The following UNC50 variants were observed in gnomAD, a reference collection of about 807,000 sequenced individuals.
The protein encoded by UNC50 is unc-50 inner nuclear membrane RNA binding protein.
Under a neutral mutation model 31.5 loss-of-function variants are expected in UNC50, and 24 were observed. The observed-to-expected ratio is 0.76, with a 90% CI of 0.55 to 1.07. UNC50 has a LOEUF of 1.07. UNC50 is among the 50% of genes least tolerant of loss of function. The probability of loss-of-function intolerance (pLI) is 0.00; values close to 1 mark genes in which losing one functional copy is unlikely to be tolerated. For synonymous variants in UNC50, 118 were observed against 114.7 expected, an observed-to-expected ratio of 1.03 and a Z score of -0.18; for missense variants, 245 against 304.2, an observed-to-expected ratio of 0.81 and a Z score of 1.45.
intron 5 of UNC50, 68 bp from the exon 6 acceptor site, chr2:98,618,100 A>G (rs1700964106): frequency 7.0e-7 from 1 of 1,428,032 alleles, no homozygotes; most frequent in Non-Finnish European, 9.2e-7. Flanking sequence ...CTGTCTTTCA[A>G]AATGTTCATT....
chr2:98,610,781 C>CT lies in UNC50; in HGVS notation c.288dup (p.Ile97TyrfsTer13). ...TTGTGAATCTTTCTTTCAGTGTCCA[C>CT]TATAGGATTTGGCTTTGTGCTGGAC... On this transcript the variant is annotated frameshift_variant, in exon 3 of 6. Coordinates refer to ENST00000357765, the MANE Select transcript of UNC50 (RefSeq NM_014044.7). LOFTEE classifies it high-confidence loss of function. 3 of 1,614,000 alleles carry CT rather than the reference C, an allele frequency of 1.9e-6. No individual in the cohort carries two copies. The highest frequency in any genetic ancestry group is 2.5e-6 in the Non-Finnish European group (3 of 1,179,928).
chr2:98,618,155 C>CTTTCT lies in UNC50; in HGVS notation c.644-8_644-4dup, dbSNP rs775202152. 5.1e-5 allele frequency: 76 copies of CTTTCT among 1,488,676 alleles called. 1 individual carries two copies. In the African/African-American group the frequency reaches 7.4e-4, roughly 14 times the overall value. The allele number at this position is 1,488,676 out of a possible 1,614,324, so 92.2% of individuals were successfully genotyped here. A position where few individuals can be genotyped will look rare whatever the true frequency, so the allele number is the denominator to read the frequency against. ...TTTTTTTTTAAATCAGTTTGGATTC[C>CTTTCT]TTTCTTTTCCAGCATTGCCATTTTT... On this transcript the variant is annotated splice_polypyrimidine_tract_variant and intron_variant, in intron 5 of 5. Coordinates refer to ENST00000357765, the MANE Select transcript of UNC50 (RefSeq NM_014044.7).
chr2:98,618,175 A>G lies in UNC50; in HGVS notation c.651A>G (p.Pro217=), dbSNP rs751168621. Residue 217 remains proline (P), a synonymous_variant, in exon 6 of 6, where the codon CCA becomes CCG. Coordinates refer to ENST00000357765, the MANE Select transcript of UNC50 (RefSeq NM_014044.7). ...YVTFLGYSAL[P]FLKNTVILLY... is the part of the protein sequence containing the mutation. ...GATTCCTTTCTTTTCCAGCATTGCC[A>G]TTTTTGAAAAATACAGTAATTCTTC... 9.0e-6 allele frequency: 14 copies of G among 1,549,598 alleles called. No homozygotes were observed. The highest frequency in any genetic ancestry group is 1.0e-5 in the Non-Finnish European group (12 of 1,150,326).
rs767696367 is a variant in UNC50, at chr2:98,616,418, G to A, written c.542-14G>A. The A allele has an allele frequency of 4.5e-5, 72 of 1,613,668 alleles. No homozygotes were observed. Among genetic ancestry groups the A allele is most frequent in the South Asian group, 5.5e-5 (5 of 91,062 alleles). Reference sequence around the variant, plus strand: ...ATTGGTAAAGGGACTCATGGTCTGCGTCTCTTCTGGCAGATGTTATCCTGA... The same window carrying A: ...ATTGGTAAAGGGACTCATGGTCTGCATCTCTTCTGGCAGATGTTATCCTGA... On this transcript the variant is annotated splice_polypyrimidine_tract_variant and intron_variant, in intron 4 of 5. Coordinates refer to ENST00000357765, the MANE Select transcript of UNC50 (RefSeq NM_014044.7).
chr2:98,613,215 G>A (rs780337838), intron 3 of UNC50, among the ~76,000 whole-genome samples: 3 of 152,102 alleles, frequency 2.0e-5, no homozygotes, highest in East Asian at 3.8e-4. Flanking sequence ...TGTAAGTCAC[G>A]TATTCATTAC....
At chr2:98,617,838 G>A (rs1700957029) in intron 5 of UNC50, among the ~76,000 whole-genome samples, 1 of 152,174 alleles carries the variant, frequency 6.6e-6, no homozygotes, top group African/African-American at 2.4e-5. Context: ...GCAGTCACAA[G>A]TTTAAATTCA....
At chr2:98,615,654 T>G (rs1559148999) in intron 3 of UNC50, among the ~76,000 whole-genome samples, 1 of 152,212 alleles carries the variant, frequency 6.6e-6, no homozygotes. Context: ...GCCAGTCTTG[T>G]CTCTGGAGTC....
chr2:98,614,373 A>G (rs1700886874), intron 3 of UNC50, among the ~76,000 whole-genome samples: 1 of 152,122 alleles, frequency 6.6e-6, no homozygotes, highest in Non-Finnish European at 1.5e-5. Context: ...ATGACCTGTA[A>G]GATTTTGGCT....
rs1373109385 is a variant in UNC50, at chr2:98,610,805, A to C, written c.311A>C (p.Asp104Ala). The C allele has an allele frequency of 6.2e-7, 1 of 1,614,184 alleles. No individual in the cohort carries two copies. The highest frequency in any genetic ancestry group is 1.1e-5 in the South Asian group (1 of 91,070). The change falls in exon 3 of 6, where the codon GAC (aspartate) becomes GCC (alanine). Residue 104 changes from aspartate (D) to alanine (A), a missense_variant. Physicochemically the swap from Asp to Ala is moderately radical, Grantham distance 126. Transcript: ENST00000357765. ...VSTIGFGFVL[D>A]MGFFETIKLL... ...ACTATAGGATTTGGCTTTGTGCTGG[A>C]CATGGGATTCTTTGAGACAATAAAG... is the stretch of plus-strand genomic sequence containing the variant.
At chr2:98,614,592 C>T (rs949347621) in intron 3 of UNC50, among the ~76,000 whole-genome samples, 5 of 152,142 alleles carry the variant, frequency 3.3e-5, no homozygotes, top group Admixed American at 1.3e-4. Flanking sequence ...GGAGTGCTCT[C>T]GGAAGGCACA....
At chr2:98,616,601 C>T (rs944712091) in intron 5 of UNC50, 68 bp downstream of exon 5, 4 of 1,247,724 alleles carry the variant, frequency 3.2e-6, no homozygotes, top group Middle Eastern at 1.9e-4. Context: ...AACAGTAGTA[C>T]AAACAGCTGC....
chr2:98,617,310 T>G (rs769398378), intron 5 of UNC50, among the ~76,000 whole-genome samples: 27 of 152,178 alleles, frequency 1.8e-4, no homozygotes, highest in Non-Finnish European at 3.4e-4. Flanking sequence ...CCGGAGTTAT[T>G]CCCACCCCGG....
At chr2:98,609,154 G>A (rs1222995742) in intron 1 of UNC50, 2 of 153,666 alleles carry the variant, frequency 1.3e-5, no homozygotes, top group African/African-American at 4.8e-5. Context: ...GCAGTGGCCG[G>A]CGTTCCCCGG....
chr2:98,618,340 C>A lies in UNC50; in HGVS notation c.*36C>A. The A allele has an allele frequency of 6.3e-7, 1 of 1,578,222 alleles. No homozygotes were observed. The highest frequency in any genetic ancestry group is 8.6e-7 in the Non-Finnish European group (1 of 1,166,096). ...GAAGATTCAATCGTAACTGTGTCAA[C>A]AGTATTGTGAAGTGATCATTTCTTG... On this transcript the variant is annotated 3_prime_UTR_variant, in exon 6 of 6. Transcript: ENST00000357765.
chr2:98,608,692 T>A lies in UNC50; in HGVS notation c.-39T>A, dbSNP rs1700756165. 7 of 494,048 alleles carry A rather than the reference T, an allele frequency of 1.4e-5. No individual in the cohort carries two copies. In the South Asian group the frequency reaches 1.4e-4, roughly 10 times the overall value. The allele number at this position is 494,048 out of a possible 1,614,324, so 30.6% of individuals were successfully genotyped here. The stretch of plus-strand genomic sequence containing the variant: ...CTGCTGGGAGGAGGTGGTGGGCTGG[T>A]TCGGACGTGGGTCGAGGCTGTAGCA... On this transcript the variant is annotated 5_prime_UTR_variant, in exon 1 of 6. Coordinates refer to ENST00000357765, the MANE Select transcript of UNC50 (RefSeq NM_014044.7).
rs897600455 is a variant in UNC50 at position 98,610,830 on chromosome 2, GC to G, written c.337del (p.Leu113PhefsTer8). 3 of 1,614,148 alleles carry G rather than the reference GC, an allele frequency of 1.9e-6. No individual in the cohort carries two copies. The highest frequency in any genetic ancestry group is 2.5e-6 in the Non-Finnish European group (3 of 1,179,996). On this transcript the variant is annotated frameshift_variant, in exon 3 of 6. Transcript: ENST00000357765. LOFTEE classifies it high-confidence loss of function. ...LDMGFFETIK[L>X]LLWVVLIDCV... ...ACATGGGATTCTTTGAGACAATAAA[GC>G]TTCTCCTTTGGGTTGTACTCATAGA...
intron 2 of UNC50, among the ~76,000 whole-genome samples, chr2:98,610,443 T>TA (rs1483750323): frequency 6.6e-6 from 1 of 152,208 alleles, no homozygotes; most frequent in Non-Finnish European, 1.5e-5. Flanking sequence ...AGGGTCTCAT[T>TA]TACCTGTAGG....
intron 5 of UNC50, 43 bp from the exon 6 acceptor site, chr2:98,618,123 ATT>A (rs57212171): frequency 4.1e-4 from 510 of 1,232,010 alleles, no homozygotes; most frequent in South Asian, 5.8e-4. Context: ...TTAGTCATTT[ATT>A]TTTTTTTTTT....
intron 3 of UNC50, among the ~76,000 whole-genome samples, chr2:98,613,083 G>T (rs1700863035): frequency 6.6e-6 from 1 of 152,156 alleles, no homozygotes; most frequent in Admixed American, 6.5e-5. Flanking sequence ...AATGACATAT[G>T]CCTGTATTTT....
Sources: gnomAD v4.1 joint callset for allele counts (sites outside exome capture counted in the v4.1 genomes callset) on GRCh38, gnomAD v4.1.1 for gene constraint, MANE v1.5 for transcripts, NCBI Gene and HGNC (gene_info 2026-07-23, HGNC 2026-07-21) for gene names.